Variants in DIS3L2 observed in about 807,000 individuals in gnomAD.
DIS3L2 encodes the protein DIS3 like 3'-5' exoribonuclease 2, also known as DIS3-like exonuclease 2.
In DIS3L2, 34 loss-of-function variants were observed where a neutral mutation model predicts 97.5. That is an observed-to-expected ratio of 0.35 (90% CI 0.27 to 0.46). DIS3L2 has a LOEUF of 0.46. Ranked by LOEUF, DIS3L2 falls within the 20% of genes least tolerant of loss-of-function variation. The pLI is 1.00. For missense variants in DIS3L2, 1,038 were observed against 1,146.0 expected (o/e 0.91, Z 1.36); for synonymous variants, 435 against 445.2 (o/e 0.98, Z 0.29).
intron 10 of DIS3L2, among the ~76,000 whole-genome samples, chr2:232,219,512 C>T (rs918426954): frequency 6.6e-6 from 1 of 152,030 alleles, no homozygotes; most frequent in Non-Finnish European, 1.5e-5. Flanking sequence ...CACTTTCTCT[C>T]CTAAAATAAG....
intron 9 of DIS3L2, among the ~76,000 whole-genome samples, chr2:232,173,925 TC>T (rs1691071037): frequency 6.6e-6 from 1 of 152,190 alleles, no homozygotes; most frequent in African/African-American, 2.4e-5. Flanking sequence ...TATTCTGGGT[TC>T]TTTGCATTGC....
At chr2:232,064,160 T>TCAC (rs1179683816) in intron 5 of DIS3L2, among the ~76,000 whole-genome samples, 1 of 152,186 alleles carries the variant, frequency 6.6e-6, no homozygotes, top group East Asian at 1.9e-4. Flanking sequence ...TGTGTAACCA[T>TCAC]CACCATAATG....
At chr2:232,176,963 T>A (rs1181151947) in intron 9 of DIS3L2, among the ~76,000 whole-genome samples, 12 of 118,056 alleles carry the variant, frequency 1.0e-4, no homozygotes, top group South Asian at 6.1e-4. Flanking sequence ...CCCTCCCACC[T>A]CCCCACCACA....
intron 12 of DIS3L2, among the ~76,000 whole-genome samples, chr2:232,254,642 C>CA (rs1693507541): frequency 6.6e-6 from 1 of 152,004 alleles, no homozygotes; most frequent in Non-Finnish European, 1.5e-5. Context: ...AAGTCAGACC[C>CA]AAGAAATAAA....
At chr2:232,137,878 A>G (rs1273892506) in intron 8 of DIS3L2, among the ~76,000 whole-genome samples, 3 of 152,062 alleles carry the variant, frequency 2.0e-5, no homozygotes, top group African/African-American at 4.8e-5. Context: ...AGTGATGTCA[A>G]CCCCTTGAGC....
intron 1 of DIS3L2, among the ~76,000 whole-genome samples, chr2:231,962,123 C>G (rs1692575650): frequency 6.6e-6 from 1 of 152,190 alleles, no homozygotes; most frequent in African/African-American, 2.4e-5. Flanking sequence ...CACCTGTGGA[C>G]GCGTTCTCTA....
intron 10 of DIS3L2, among the ~76,000 whole-genome samples, chr2:232,217,202 G>T (rs1477592394): frequency 1.3e-5 from 2 of 152,120 alleles, no homozygotes; most frequent in Admixed American, 6.6e-5. Context: ...TGCTGATGAG[G>T]GATCACACCT....
intron 1 of DIS3L2, among the ~76,000 whole-genome samples, chr2:231,969,877 A>ATT (rs34578666): frequency 3.6e-5 from 5 of 140,280 alleles, no homozygotes; most frequent in East Asian, 4.1e-4. Context: ...GTTTACTGAG[A>ATT]TTTTTTTTTT....
At chr2:232,212,071 C>T (rs1692206234) in intron 10 of DIS3L2, among the ~76,000 whole-genome samples, 1 of 152,082 alleles carries the variant, frequency 6.6e-6, no homozygotes, top group Admixed American at 6.6e-5. Flanking sequence ...AGAAAAGGTC[C>T]CCTGGAAATT....
In DIS3L2 at chr2:232,321,602, C is replaced by T. The variant is rs1429836115; in HGVS notation, c.1740-8211C>T. On this transcript the variant is annotated intron_variant, in intron 14 of 20. Coordinates refer to ENST00000325385, the MANE Select transcript of DIS3L2 (RefSeq NM_152383.5). ...AGCAAAGGAGAGGCTGCACAGGGCGCCTTCGGCAGTGACGCGAAACCAAGA... is the reference window on the plus strand; with the variant it reads ...AGCAAAGGAGAGGCTGCACAGGGCGTCTTCGGCAGTGACGCGAAACCAAGA... 2.0e-5 allele frequency among the ~76,000 whole-genome samples: 3 copies of T among 152,288 alleles called. No individual in the cohort carries two copies. In the East Asian group the frequency reaches 5.8e-4, roughly 29 times the overall value.
intron 9 of DIS3L2, chr2:232,172,561 T>C: frequency 2.5e-6 from 1 of 405,728 alleles, no homozygotes; most frequent in South Asian, 1.9e-5. Flanking sequence ...TTGGGTTGAT[T>C]CCCCAGCTTG....
At chr2:232,257,244 G>A (rs905402834) in intron 12 of DIS3L2, among the ~76,000 whole-genome samples, 1 of 152,170 alleles carries the variant, frequency 6.6e-6, no homozygotes, top group Non-Finnish European at 1.5e-5. Context: ...TTGTGGAGTA[G>A]CCTCTTGTTT....
At chr2:232,202,411 A>T (rs1691917838) in intron 9 of DIS3L2, among the ~76,000 whole-genome samples, 1 of 152,228 alleles carries the variant, frequency 6.6e-6, no homozygotes, top group Non-Finnish European at 1.5e-5. Flanking sequence ...ACAAACAAAC[A>T]GAAAAAAAAC....
At chr2:232,120,734 G>T (rs1250391308) in intron 6 of DIS3L2, among the ~76,000 whole-genome samples, 3 of 152,118 alleles carry the variant, frequency 2.0e-5, no homozygotes, top group Non-Finnish European at 2.9e-5. Flanking sequence ...AACAAAAGCT[G>T]ACCCCTTTGT....
chr2:232,101,948 G>A (rs992608979), intron 6 of DIS3L2, among the ~76,000 whole-genome samples: 1 of 152,378 alleles, frequency 6.6e-6, no homozygotes, highest in East Asian at 1.9e-4. Context: ...TGGACTCAAA[G>A]TATCATGCCA....
rs1695538439 is a variant in DIS3L2, at chr2:232,325,154, C to T, written c.1740-4659C>T. 6.6e-6 allele frequency among the ~76,000 whole-genome samples: 1 copy of T among 152,214 alleles called. No homozygotes were observed. Among genetic ancestry groups the T allele is most frequent in the Non-Finnish European group, 1.5e-5 (1 of 68,032 alleles). Reference sequence around the variant, plus strand: ...TGAGCCCTGCCAGGGTGAGAGCAGCCTTTCCCAGCATCGTCCTTTAAGATG... The same window carrying T: ...TGAGCCCTGCCAGGGTGAGAGCAGCTTTTCCCAGCATCGTCCTTTAAGATG... On this transcript the variant is annotated intron_variant, in intron 14 of 20. Coordinates refer to ENST00000325385, the MANE Select transcript of DIS3L2 (RefSeq NM_152383.5). The surrounding 1 kb of genome is among the most constrained non-coding windows in gnomAD (Gnocchi z 4.6).
intron 13 of DIS3L2, among the ~76,000 whole-genome samples, chr2:232,296,497 C>G (rs973615255): frequency 2.0e-4 from 30 of 152,192 alleles, no homozygotes; most frequent in African/African-American, 6.8e-4. Flanking sequence ...AGTAATCCCT[C>G]ATGTTGTGGG....
chr2:231,976,527 G>A (rs1255648472), intron 1 of DIS3L2, among the ~76,000 whole-genome samples: 1 of 151,692 alleles, frequency 6.6e-6, no homozygotes, highest in Non-Finnish European at 1.5e-5. Context: ...TACTTGGGGG[G>A]CTGTGGTGGG....
At chr2:232,155,815 C>G in intron 8 of DIS3L2, among the ~76,000 whole-genome samples, 1 of 151,930 alleles carries the variant, frequency 6.6e-6, no homozygotes, top group Non-Finnish European at 1.5e-5. Flanking sequence ...ATGGTGAAAC[C>G]CCGTCTCTAC....
Sources: allele counts gnomAD v4.1 joint callset (sites outside exome capture counted in the v4.1 genomes callset), GRCh38; gene constraint gnomAD v4.1.1; non-coding constraint Gnocchi (gnomAD v3.1); transcripts MANE v1.5; gene names NCBI Gene and HGNC (gene_info 2026-07-23, HGNC 2026-07-21).